AGMO: variants seen among roughly 807,000 people sequenced by gnomAD.
The protein encoded by AGMO is glyceryl-ether monooxygenase.
In AGMO, 75 loss-of-function variants were observed where a neutral mutation model predicts 60.2. The observed-to-expected ratio is 1.25, with a 90% CI of 1.03 to 1.51. The LOEUF (loss-of-function observed/expected upper bound fraction) is 1.51. Ranked by LOEUF, AGMO falls within the 40% of genes most tolerant of loss-of-function variation. AGMO has a pLI of 0.00. For missense variants in AGMO, 763 were observed against 525.5 expected, an observed-to-expected ratio of 1.45 and a Z score of -4.42; for synonymous variants, 261 against 177.1, an observed-to-expected ratio of 1.47 and a Z score of -3.76.
chr7:15,314,797 T>G (rs1334622392), intron 12 of AGMO, among the ~76,000 whole-genome samples: 2 of 152,040 alleles, frequency 1.3e-5, no homozygotes, highest in South Asian at 4.1e-4. Flanking sequence ...TCATCCTAAA[T>G]TATCTAGGTA....
intron 3 of AGMO, among the ~76,000 whole-genome samples, chr7:15,520,231 T>C (rs928616928): frequency 6.6e-6 from 1 of 151,954 alleles, no homozygotes; most frequent in Non-Finnish European, 1.5e-5. Context: ...AGACTTAGAC[T>C]CCCAGAAAAA....
chr7:15,172,209 G>T, the AGMO span, among the ~76,000 whole-genome samples: 1 of 152,130 alleles, frequency 6.6e-6, no homozygotes, highest in Non-Finnish European at 1.5e-5. Context: ...AAGTATTCGT[G>T]GTCACCCTTT....
chr7:15,352,590 C>T (rs1482935602), intron 12 of AGMO, among the ~76,000 whole-genome samples: 1 of 151,730 alleles, frequency 6.6e-6, no homozygotes, highest in African/African-American at 2.4e-5. Flanking sequence ...GGCAATTTTA[C>T]GGTCAATTGG....
rs114696983 is a variant in AGMO at position 15,489,281 on chromosome 7, T to C, written c.409+55491A>G. ...TGGGGGCAGGGGAGAAAATACTAAA[T>C]AGCTTCACAAAAACTTACATAACTT... On this transcript the variant is annotated intron_variant, in intron 3 of 12. Coordinates refer to ENST00000342526, the MANE Select transcript of AGMO (RefSeq NM_001004320.2). Among the ~76,000 whole-genome samples, 1,093 of 152,282 alleles carry C rather than the reference T, an allele frequency of 7.2e-3. 16 individuals carry two copies. The highest frequency in any genetic ancestry group is 0.025 in the African/African-American group (1,036 of 41,564).
chr7:15,327,480 G>C (rs1781375861), intron 12 of AGMO, among the ~76,000 whole-genome samples: 2 of 152,088 alleles, frequency 1.3e-5, no homozygotes, highest in Non-Finnish European at 2.9e-5. Flanking sequence ...CACATGCAAA[G>C]ATCATTTGTT....
At chr7:15,172,971 G>T in the AGMO span, among the ~76,000 whole-genome samples, 1 of 152,168 alleles carries the variant, frequency 6.6e-6, no homozygotes, top group East Asian at 1.9e-4. Context: ...AAAGATAAGG[G>T]CTTCTCAAAT....
At chr7:15,560,843 T>A (rs1283682363) in intron 1 of AGMO, among the ~76,000 whole-genome samples, 1 of 152,178 alleles carries the variant, frequency 6.6e-6, no homozygotes, top group Non-Finnish European at 1.5e-5. Flanking sequence ...TAATAAGAGA[T>A]GTTTTGAAAG....
chr7:15,200,019 T>C (rs991284018), downstream of AGMO, among the ~76,000 whole-genome samples: 1 of 152,142 alleles, frequency 6.6e-6, no homozygotes, highest in Middle Eastern at 3.2e-3. Context: ...ATTGCTAATA[T>C]GAGATTATCT....
intron 3 of AGMO, among the ~76,000 whole-genome samples, chr7:15,514,008 TC>T (rs537063707): frequency 2.4e-3 from 359 of 152,302 alleles, no homozygotes; most frequent in Non-Finnish European, 4.2e-3. Context: ...CAGACCCATT[TC>T]TTTGGATCTC....
intron 3 of AGMO, among the ~76,000 whole-genome samples, chr7:15,544,150 C>T (rs919541789): frequency 2.0e-5 from 3 of 149,868 alleles, no homozygotes; most frequent in Non-Finnish European, 4.4e-5. Context: ...TGTTCTCACT[C>T]ATATGTGGGA....
chr7:15,389,514 G>T (rs559778905), intron 8 of AGMO, among the ~76,000 whole-genome samples: 99 of 152,290 alleles, frequency 6.5e-4, no homozygotes, highest in Middle Eastern at 3.4e-3. Context: ...ATATAGTTGA[G>T]AAGAAAGAAG....
chr7:15,434,299 C>T (rs1172029459), intron 3 of AGMO, among the ~76,000 whole-genome samples: 1 of 152,112 alleles, frequency 6.6e-6, no homozygotes, highest in African/African-American at 2.4e-5. Flanking sequence ...GAATGGCCGC[C>T]ATTGATTCCT....
chr7:15,499,904 T>TACACACACAC (rs1347113008), intron 3 of AGMO, among the ~76,000 whole-genome samples: 9 of 71,500 alleles, frequency 1.3e-4, no homozygotes, highest in African/African-American at 3.5e-4. Flanking sequence ...TTATATGTAT[T>TACACACACAC]ACGCACACAC....
At chr7:15,368,216 A>C (rs1009765689) in intron 10 of AGMO, among the ~76,000 whole-genome samples, 1 of 151,820 alleles carries the variant, frequency 6.6e-6, no homozygotes, top group Non-Finnish European at 1.5e-5. Flanking sequence ...AGACCAGAGC[A>C]AGAGAGTGCT....
intron 12 of AGMO, among the ~76,000 whole-genome samples, chr7:15,332,582 C>G (rs1781532376): frequency 6.6e-6 from 1 of 152,052 alleles, no homozygotes; most frequent in Non-Finnish European, 1.5e-5. Flanking sequence ...ACCTGATTTT[C>G]CCACTTAGAA....
intron 5 of AGMO, among the ~76,000 whole-genome samples, chr7:15,407,993 G>A (rs573508981): frequency 3.4e-4 from 52 of 151,902 alleles, no homozygotes; most frequent in Non-Finnish European, 6.6e-4. Context: ...CAGAGTTAGT[G>A]TAAAGAAAAG....
At chr7:15,300,213 G>A (rs946373976) in intron 12 of AGMO, among the ~76,000 whole-genome samples, 21 of 152,184 alleles carry the variant, frequency 1.4e-4, no homozygotes, top group South Asian at 4.2e-4. Flanking sequence ...TCAGATAGAG[G>A]GGAAAAAATT....
At chr7:15,532,671 G>C (rs1407720723) in intron 3 of AGMO, among the ~76,000 whole-genome samples, 1 of 151,250 alleles carries the variant, frequency 6.6e-6, no homozygotes, top group South Asian at 2.1e-4. Context: ...TTGAAAAATA[G>C]CAAGAGAGCA....
intron 6 of AGMO, among the ~76,000 whole-genome samples, chr7:15,391,948 G>A (rs1313078514): frequency 1.3e-5 from 2 of 152,172 alleles, no homozygotes; most frequent in Admixed American, 6.5e-5. Flanking sequence ...CAATAGTGCC[G>A]ACGTTGGGAA....
Sources: allele counts gnomAD v4.1 joint callset (sites outside exome capture counted in the v4.1 genomes callset), GRCh38; gene constraint gnomAD v4.1.1; transcripts MANE v1.5; gene names NCBI Gene and HGNC (gene_info 2026-07-23, HGNC 2026-07-21).